The following TRAPPC9 variants were observed in gnomAD, a reference collection of about 807,000 sequenced individuals.
TRAPPC9 encodes the protein IKK2 binding protein.
A neutral mutation model predicts 124.0 loss-of-function variants in TRAPPC9; 83 were observed. The observed-to-expected ratio is 0.67, with a 90% CI of 0.56 to 0.80. TRAPPC9 has a LOEUF of 0.80. TRAPPC9 is among the 30% of genes least tolerant of loss of function. TRAPPC9 has a pLI of 0.00. For synonymous variants in TRAPPC9, 638 were observed against 617.5 expected (o/e 1.03, Z -0.49); for missense variants, 1,302 against 1,508.3 (o/e 0.86, Z 2.27).
At chr8:140,076,360 C>T (rs1843509786) in intron 17 of TRAPPC9, among the ~76,000 whole-genome samples, 2 of 152,196 alleles carry the variant, frequency 1.3e-5, no homozygotes, top group African/African-American at 4.8e-5. Flanking sequence ...TCCAGTGACA[C>T]CACCGTGAGA....
intron 9 of TRAPPC9, among the ~76,000 whole-genome samples, chr8:140,332,293 A>C (rs2132008282): frequency 6.6e-6 from 1 of 152,316 alleles, no homozygotes; most frequent in South Asian, 2.1e-4. Flanking sequence ...TGATCTCATA[A>C]GGAGAGAGTA....
chr8:140,358,264 T>C (rs1315771099), intron 9 of TRAPPC9, among the ~76,000 whole-genome samples: 1 of 152,212 alleles, frequency 6.6e-6, no homozygotes, highest in Non-Finnish European at 1.5e-5. Context: ...TGGAGTGCAA[T>C]GGCGCAACAT....
chr8:139,964,899 G>T (rs753476918), intron 19 of TRAPPC9, among the ~76,000 whole-genome samples: 9 of 152,204 alleles, frequency 5.9e-5, no homozygotes, highest in Non-Finnish European at 1.3e-4. Context: ...GGAGAGGAAT[G>T]CTGTCCATAA....
rs939423533 is a variant in TRAPPC9, at chr8:140,291,635, T to C, written c.1769-557A>G. On this transcript the variant is annotated intron_variant, in intron 11 of 22. Coordinates refer to ENST00000438773, the MANE Select transcript of TRAPPC9 (RefSeq NM_001160372.4). ...GTAATCCCCACCTTCAGTGTGAATA[T>C]GATGATTAGGCTATATTGTAAAACA... is the stretch of plus-strand genomic sequence containing the variant. Among the ~76,000 whole-genome samples the C allele has an allele frequency of 4.6e-5, 7 of 152,340 alleles. No homozygotes were observed. In the East Asian group the frequency reaches 1.2e-3, roughly 25 times the overall value.
intron 21 of TRAPPC9, among the ~76,000 whole-genome samples, chr8:139,814,450 G>A (rs1437948577): frequency 6.6e-6 from 1 of 152,168 alleles, no homozygotes; most frequent in African/African-American, 2.4e-5. Context: ...GGCAAGAGCA[G>A]GCCCAGGAAA....
intron 17 of TRAPPC9, among the ~76,000 whole-genome samples, chr8:140,196,899 C>G (rs1305856683): frequency 6.6e-6 from 1 of 152,262 alleles, no homozygotes; most frequent in Admixed American, 6.5e-5. Flanking sequence ...ACTCAACGAT[C>G]CACTATACAG....
intron 17 of TRAPPC9, among the ~76,000 whole-genome samples, chr8:140,038,975 T>TG (rs1342139234): frequency 3.3e-5 from 5 of 152,252 alleles, no homozygotes; most frequent in African/African-American, 1.2e-4. Context: ...AGCACAGAGC[T>TG]GGGGAAGGAG....
At chr8:140,227,373 T>G (rs573451711) in intron 16 of TRAPPC9, among the ~76,000 whole-genome samples, 1 of 152,118 alleles carries the variant, frequency 6.6e-6, no homozygotes, top group South Asian at 2.1e-4. Flanking sequence ...ACAAAAAAAG[T>G]TACAAACAGA....
At chr8:139,832,276 A>G (rs998490295) in intron 21 of TRAPPC9, among the ~76,000 whole-genome samples, 2 of 152,206 alleles carry the variant, frequency 1.3e-5, no homozygotes, top group Non-Finnish European at 2.9e-5. Flanking sequence ...AAATAGCTAC[A>G]TTTGCATGAT....
At chr8:139,739,525 G>A (rs1818419804) in intron 21 of TRAPPC9, among the ~76,000 whole-genome samples, 1 of 152,210 alleles carries the variant, frequency 6.6e-6, no homozygotes, top group Non-Finnish European at 1.5e-5. Context: ...CCCCGCCACT[G>A]CTCCCTGGCC....
At chr8:139,832,135 C>T (rs750189459) in intron 21 of TRAPPC9, among the ~76,000 whole-genome samples, 3 of 152,166 alleles carry the variant, frequency 2.0e-5, no homozygotes, top group African/African-American at 4.8e-5. Flanking sequence ...GGGCCTCGTT[C>T]GAGCTCACAA....
chr8:140,164,662 G>C (rs2061803177), intron 17 of TRAPPC9, among the ~76,000 whole-genome samples: 1 of 152,172 alleles, frequency 6.6e-6, no homozygotes, highest in East Asian at 1.9e-4. Context: ...GCTAGGCATG[G>C]TCTCCTGGGC....
chr8:139,839,801 G>A (rs1826610326), intron 21 of TRAPPC9, among the ~76,000 whole-genome samples: 1 of 152,104 alleles, frequency 6.6e-6, no homozygotes, highest in Non-Finnish European at 1.5e-5. Flanking sequence ...AGGGAGAGTG[G>A]GCATGGCCTA....
chr8:140,276,403 C>T (rs535092880), intron 14 of TRAPPC9, among the ~76,000 whole-genome samples: 19 of 152,256 alleles, frequency 1.2e-4, no homozygotes, highest in Admixed American at 5.9e-4. Flanking sequence ...TGGGGTCAGG[C>T]AGTATCTGTG....
chr8:140,308,430 G>T (rs2066197420), intron 10 of TRAPPC9, among the ~76,000 whole-genome samples: 1 of 151,832 alleles, frequency 6.6e-6, no homozygotes, highest in Admixed American at 6.6e-5. Context: ...CTGAATCTCA[G>T]GCAGTTCTTC....
intron 18 of TRAPPC9, among the ~76,000 whole-genome samples, chr8:140,002,333 A>G (rs1466541837): frequency 6.6e-6 from 1 of 152,146 alleles, no homozygotes; most frequent in Non-Finnish European, 1.5e-5. Flanking sequence ...AGACCTACAT[A>G]AACAGAAGTA....
chr8:140,458,053 C>G (rs1349214280), upstream of TRAPPC9, among the ~76,000 whole-genome samples: 1 of 88,688 alleles, frequency 1.1e-5, no homozygotes, highest in African/African-American at 5.0e-5. Context: ...GAGGGAGGGG[C>G]AGCGAGAGAG....
intron 17 of TRAPPC9, among the ~76,000 whole-genome samples, chr8:140,198,755 T>C (rs2062720518): frequency 2.0e-5 from 3 of 152,180 alleles, no homozygotes; most frequent in African/African-American, 4.8e-5. Context: ...TACAATCGTA[T>C]GGTGTCACTG....
rs148152868 is a variant in TRAPPC9 at position 139,860,513 on chromosome 8, G to A, written c.3055+25366C>T. Among the ~76,000 whole-genome samples, 20 of 152,240 alleles carry A rather than the reference G, an allele frequency of 1.3e-4. No individual in the cohort carries two copies. The East Asian group carries it at 2.7e-3, about 21-fold the overall frequency. On this transcript the variant is annotated intron_variant, in intron 21 of 22. Coordinates refer to ENST00000438773, the MANE Select transcript of TRAPPC9 (RefSeq NM_001160372.4). ...CTCTGCTGTGTGTCACAGGATCCCCGGCCCCCAGCTCAAAGAGGCTCTGAC... is the reference window on the plus strand; with the variant it reads ...CTCTGCTGTGTGTCACAGGATCCCCAGCCCCCAGCTCAAAGAGGCTCTGAC...
Sources: gnomAD v4.1 joint callset for allele counts (sites outside exome capture counted in the v4.1 genomes callset) on GRCh38, gnomAD v4.1.1 for gene constraint, MANE v1.5 for transcripts, NCBI Gene and HGNC (gene_info 2026-07-23, HGNC 2026-07-21) for gene names.